Variants in TMOD4 observed in about 807,000 individuals in gnomAD.
TMOD4 encodes the protein tropomodulin-4.
TMOD4 carries 34 observed loss-of-function variants against 45.4 expected under a neutral mutation model. The ratio of observed to expected loss-of-function variants is 0.75; its 90% CI spans 0.57 to 1.00. TMOD4 has a LOEUF of 1.00. TMOD4 is among the 50% of genes least tolerant of loss of function. The pLI, the probability that TMOD4 is intolerant of heterozygous loss-of-function variation, is 0.00. For synonymous variants in TMOD4, 131 were observed against 153.9 expected (o/e 0.85, Z 1.10); for missense variants, 399 against 437.5 (o/e 0.91, Z 0.78).
intron 1 of TMOD4, chr1:151,175,190 C>G (rs947446738): frequency 3.4e-5 from 11 of 323,882 alleles, no homozygotes; most frequent in Non-Finnish European, 6.5e-5. Flanking sequence ...ATCCTGGCAG[C>G]ACCCCTCCCC....
intron 9 of TMOD4, 121 bp from the exon 10 acceptor site, chr1:151,170,224 A>G: frequency 1.8e-6 from 2 of 1,133,680 alleles, no homozygotes; most frequent in Non-Finnish European, 2.6e-6. Flanking sequence ...AGGCCACCTT[A>G]CAGGCCCATC....
rs769981319 is a variant in TMOD4 at position 151,170,593 on chromosome 1, C to T, written c.941G>A (p.Arg314His). Reference sequence around the variant, plus strand: ...CTGCTGTGTAAAGTGGTAGCCAAAGCGGACAATAGAGGGACACTGCTCTAG... The same window carrying T: ...CTGCTGTGTAAAGTGGTAGCCAAAGTGGACAATAGAGGGACACTGCTCTAG... Reference protein sequence around the residue: ...TVLEQCPSIVRFGYHFTQQGP... With the variant: ...TVLEQCPSIVHFGYHFTQQGP... Residue 314 changes from arginine (R) to histidine (H), a missense_variant, in exon 9 of 10, where the codon CGC becomes CAC. Physicochemically the swap from Arg to His is conservative, Grantham distance 29. Coordinates refer to ENST00000295314, the MANE Select transcript of TMOD4 (RefSeq NM_013353.3). 198 of 1,614,060 alleles carry T rather than the reference C, an allele frequency of 1.2e-4. No homozygotes were observed. The highest frequency in any genetic ancestry group is 1.6e-4 in the Middle Eastern group (1 of 6,084).
intron 9 of TMOD4, 46 bp downstream of exon 9, chr1:151,170,473 C>G: frequency 1.2e-6 from 2 of 1,607,646 alleles, no homozygotes; most frequent in African/African-American, 1.3e-5. Context: ...CCACCAATTT[C>G]TGCACTTCCC....
intron 3 of TMOD4, 45 bp from the exon 4 acceptor site, chr1:151,173,660 C>A: frequency 6.7e-7 from 1 of 1,489,598 alleles, no homozygotes; most frequent in Non-Finnish European, 9.4e-7. Context: ...TAATTTCTCC[C>A]AAGATCCTGG....
Position 151,171,546 on chromosome 1 carries a change from G to C in TMOD4, c.619-6C>G, listed in dbSNP as rs766675922. 1.2e-6 allele frequency: 2 copies of C among 1,613,746 alleles called. No homozygotes were observed. Among genetic ancestry groups the C allele is most frequent in the African/African-American group, 1.3e-5 (1 of 74,894 alleles). Reference sequence around the variant, plus strand: ...AGCATGGGTATTGGGATGTCCTATCGGAGGGGAATAGGAGATGGTGGGCTA... The same window carrying C: ...AGCATGGGTATTGGGATGTCCTATCCGAGGGGAATAGGAGATGGTGGGCTA... On this transcript the variant is annotated splice_region_variant and splice_polypyrimidine_tract_variant and intron_variant, in intron 6 of 9. Transcript: ENST00000295314.
chr1:151,171,838 CTTTTTTT>C (rs200165349), intron 5 of TMOD4, 75 bp from the exon 6 acceptor site: 17 of 1,300,280 alleles, frequency 1.3e-5, no homozygotes, highest in Non-Finnish European at 1.7e-5. Flanking sequence ...CTTTTCTTTT[CTTTTTTT>C]TTTTTTTTGA....
chr1:151,170,270 A>C lies in TMOD4; in HGVS notation c.1016-167T>G, dbSNP rs587716093. 9.1e-6 allele frequency: 8 copies of C among 876,984 alleles called. No individual in the cohort carries two copies. In the African/African-American group the frequency reaches 1.4e-4, roughly 15 times the overall value. The allele number at this position is 876,984 out of a possible 1,614,324, so 54.3% of individuals were successfully genotyped here. A position where few individuals can be genotyped will look rare whatever the true frequency, so the allele number is the denominator to read the frequency against. On this transcript the variant is annotated intron_variant, in intron 9 of 9. Transcript: ENST00000295314. ...AAAACAAAACAAGAAACCACACCAC[A>C]AATAAAATTACGATACCTCTAAACA...
Position 151,174,734 on chromosome 1 carries a change from CCT to C in TMOD4, c.123+17_123+18del. The C allele has an allele frequency of 1.9e-6, 3 of 1,613,240 alleles. No individual in the cohort carries two copies. The highest frequency in any genetic ancestry group is 2.5e-6 in the Non-Finnish European group (3 of 1,179,998). ...AAATGCCTGGGACTGCCTCTGGTTC[CCT>C]GTGCTGGAGCCCCTACCTCAGGATC... On this transcript the variant is annotated intron_variant, in intron 2 of 9. Transcript: ENST00000295314.
rs371161010 is a variant in TMOD4, at chr1:151,170,080, G to A, written c.*1C>T. 1 of 1,614,154 alleles carries A rather than the reference G, an allele frequency of 6.2e-7. No individual in the cohort carries two copies. On this transcript the variant is annotated 3_prime_UTR_variant, in exon 10 of 10. Coordinates refer to ENST00000295314, the MANE Select transcript of TMOD4 (RefSeq NM_013353.3). ...GCTAGTTGGTAAAGGGAAATGCAGT[G>A]TTATCTCTTCTTTTGCTGGCGACCT...
rs1236444700 is a variant in TMOD4, at chr1:151,174,951, T to G, written c.-42-34A>C. ...CATGGGACAAAAGGATGGACAATGG[T>G]AAGATGGACAGGGACACAGCAGGGA... On this transcript the variant is annotated intron_variant, in intron 1 of 9. Transcript: ENST00000295314. 10 of 1,578,706 alleles carry G rather than the reference T, an allele frequency of 6.3e-6. No homozygotes were observed. The East Asian group carries it at 1.3e-4, about 21-fold the overall frequency.
chr1:151,170,248 A>C (rs1683904288), intron 9 of TMOD4, 145 bp from the exon 10 acceptor site: 1 of 964,342 alleles, frequency 1.0e-6, no homozygotes, highest in East Asian at 2.5e-5. Context: ...CATTAACAAA[A>C]CAAAACAAGA....
Position 151,174,866 on chromosome 1 carries a change from A to G in TMOD4, c.10T>C (p.Tyr4His). ...CTGTATTTCTCCAGTTCCTTCTGAT[A>G]TGATGACATGGTGGCCCCCACCCCC... MSS[Y>H]QKELEKYRDI... Residue 4 changes from tyrosine to histidine, a missense_variant, in exon 2 of 10, where the codon TAT becomes CAT. Tyr to His is a moderately conservative substitution (Grantham distance 83). Transcript: ENST00000295314. 1.2e-6 allele frequency: 2 copies of G among 1,614,160 alleles called. No individual in the cohort carries two copies. The highest frequency in any genetic ancestry group is 1.6e-4 in the Middle Eastern group (1 of 6,062).
rs587700749 is a variant in TMOD4, at chr1:151,173,424, C to T, written c.397+75G>A. 2.7e-6 allele frequency: 3 copies of T among 1,107,258 alleles called. No individual in the cohort carries two copies. In the South Asian group the frequency reaches 3.8e-5, roughly 14 times the overall value. 68.6% of individuals were successfully genotyped at this position (1,107,258 alleles called of 1,614,324 possible). A position where few individuals can be genotyped will look rare whatever the true frequency, so the allele number is the denominator to read the frequency against. On this transcript the variant is annotated intron_variant, in intron 4 of 9. Coordinates refer to ENST00000295314, the MANE Select transcript of TMOD4 (RefSeq NM_013353.3). ...ATCCACATTCTGGTTGAGGGCCTTC[C>T]TCACTAGTCCCATGTCATGGCTAGA... is the stretch of plus-strand genomic sequence containing the variant.
intron 1 of TMOD4, 65 bp from the exon 2 acceptor site, chr1:151,174,982 A>G: frequency 7.3e-7 from 1 of 1,363,502 alleles, no homozygotes; most frequent in Admixed American, 1.8e-5. Flanking sequence ...AGGGACACAA[A>G]GAGACCAGCC....
intron 5 of TMOD4, 25 bp from the exon 6 acceptor site, chr1:151,171,788 A>G (rs587773878): frequency 1.2e-6 from 2 of 1,602,848 alleles, no homozygotes; most frequent in African/African-American, 2.7e-5. Flanking sequence ...CAGGAAGGGA[A>G]CCCCAACATG....
rs2101716641 is a variant in TMOD4, at chr1:151,174,858, C to T, written c.18G>A (p.Lys6=). Reference sequence around the variant, plus strand: ...CTATGTCTCTGTATTTCTCCAGTTCCTTCTGATATGATGACATGGTGGCCC... The same window carrying T: ...CTATGTCTCTGTATTTCTCCAGTTCTTTCTGATATGATGACATGGTGGCCC... MSSYQ[K]ELEKYRDIDE... is the part of the protein sequence containing the mutation. The change falls in exon 2 of 10, where the codon AAG becomes AAA. Residue 6 remains lysine, a synonymous_variant. Transcript: ENST00000295314. The T allele has an allele frequency of 6.2e-7, 1 of 1,614,200 alleles. No individual in the cohort carries two copies. The highest frequency in any genetic ancestry group is 2.2e-5 in the East Asian group (1 of 44,888).
intron 3 of TMOD4, among the ~76,000 whole-genome samples, chr1:151,174,087 G>A (rs1284456556): frequency 2.0e-5 from 3 of 152,186 alleles, no homozygotes; most frequent in South Asian, 2.1e-4. Flanking sequence ...GTGGTGGTGG[G>A]CGCCTGTAGT....
At chr1:151,174,370 T>C in intron 3 of TMOD4, 21 bp downstream of exon 3, 1 of 1,610,480 alleles carries the variant, frequency 6.2e-7, no homozygotes, top group Non-Finnish European at 8.5e-7. Context: ...CTACGAGGCA[T>C]GGATGTCAGG....
chr1:151,171,173 G>T, intron 7 of TMOD4, 110 bp from the exon 8 acceptor site: 1 of 1,288,776 alleles, frequency 7.8e-7, no homozygotes, highest in Non-Finnish European at 1.1e-6. Flanking sequence ...AGTCTTTCAG[G>T]TGCTGTAAAT....
Sources: gnomAD v4.1 joint callset for allele counts (sites outside exome capture counted in the v4.1 genomes callset) on GRCh38, gnomAD v4.1.1 for gene constraint, MANE v1.5 for transcripts, NCBI Gene and HGNC (gene_info 2026-07-23, HGNC 2026-07-21) for gene names.